SCHIP1: variants seen among roughly 807,000 people sequenced by gnomAD.
SCHIP1 encodes the protein schwannomin-interacting protein 1.
Under a neutral mutation model 29.7 loss-of-function variants are expected in SCHIP1, and 8 were observed. The ratio of observed to expected loss-of-function variants is 0.27; its 90% confidence interval spans 0.16 to 0.49. The LOEUF (loss-of-function observed/expected upper bound fraction) is 0.49, where lower values mean the gene tolerates loss of function less well. Ranked by LOEUF, SCHIP1 falls within the 20% of genes least tolerant of loss-of-function variation. The pLI is 0.99. For missense variants in SCHIP1, 193 were observed against 294.6 expected (o/e 0.66, Z 2.52); for synonymous variants, 76 against 94.9 (o/e 0.80, Z 1.16).
chr3:159,305,884 G>A, the SCHIP1 span, among the ~76,000 whole-genome samples: 1 of 151,960 alleles, frequency 6.6e-6, no homozygotes, highest in African/African-American at 2.4e-5. Flanking sequence ...TGCCCTATTA[G>A]CCCACTCCAA....
chr3:159,777,127 C>T, the SCHIP1 span, among the ~76,000 whole-genome samples: 5 of 152,226 alleles, frequency 3.3e-5, no homozygotes, highest in Non-Finnish European at 7.3e-5. Flanking sequence ...CAACTTTAAA[C>T]ATACATATAC....
chr3:159,492,939 C>A, the SCHIP1 span, among the ~76,000 whole-genome samples: 7 of 152,102 alleles, frequency 4.6e-5, no homozygotes, highest in African/African-American at 1.4e-4. Context: ...AGATGGGGGA[C>A]CAATAGTCAA....
the SCHIP1 span, among the ~76,000 whole-genome samples, chr3:159,732,896 G>A: frequency 1.3e-5 from 2 of 152,210 alleles, no homozygotes; most frequent in Admixed American, 6.5e-5. Flanking sequence ...AATGTCTATA[G>A]GCCTGGAAGG....
chr3:159,813,698 G>A, the SCHIP1 span, among the ~76,000 whole-genome samples: 1 of 147,494 alleles, frequency 6.8e-6, no homozygotes, highest in Non-Finnish European at 1.5e-5. Flanking sequence ...AAAAAAAAAA[G>A]AAGAAGAAGA....
At chr3:159,874,392 A>G (rs913049934) in intron 2 of SCHIP1, among the ~76,000 whole-genome samples, 8 of 152,216 alleles carry the variant, frequency 5.3e-5, no homozygotes, top group African/African-American at 1.9e-4. Flanking sequence ...ACATCACCCA[A>G]TCAAAACTCA....
the SCHIP1 span, chr3:159,273,672 C>A: frequency 7.2e-7 from 1 of 1,381,880 alleles, no homozygotes; most frequent in Non-Finnish European, 9.4e-7. Context: ...AACCGAAGGG[C>A]AAAAGCATCA....
the SCHIP1 span, among the ~76,000 whole-genome samples, chr3:159,718,450 T>C: frequency 6.6e-6 from 1 of 152,226 alleles, no homozygotes; most frequent in African/African-American, 2.4e-5. Context: ...TTGTCCCTGT[T>C]TGCAGATGAC....
At chr3:159,292,065 T>G in the SCHIP1 span, among the ~76,000 whole-genome samples, 2 of 152,132 alleles carry the variant, frequency 1.3e-5, no homozygotes, top group African/African-American at 4.8e-5. Flanking sequence ...TTAGTTGTAT[T>G]GATGACAACA....
chr3:159,293,594 C>T, the SCHIP1 span, among the ~76,000 whole-genome samples: 1 of 152,212 alleles, frequency 6.6e-6, no homozygotes, highest in Non-Finnish European at 1.5e-5. Flanking sequence ...AAGTAGCAAT[C>T]TGTCAGGAAG....
the SCHIP1 span, among the ~76,000 whole-genome samples, chr3:159,714,136 C>CT: frequency 6.6e-6 from 1 of 152,084 alleles, no homozygotes; most frequent in African/African-American, 2.4e-5. Flanking sequence ...ACTTGGGAGG[C>CT]TGAGGGGGAA....
chr3:159,385,575 CAAAAAAAAAAAAACCA>C, the SCHIP1 span, among the ~76,000 whole-genome samples: 1,244 of 133,142 alleles, frequency 9.3e-3, 18 homozygotes, highest in Non-Finnish European at 0.014. Context: ...AACAAACAAA[CAAAAAAAAAAAAACCA>C]AAAAAAAAAA....
At chr3:159,761,247 C>T in the SCHIP1 span, among the ~76,000 whole-genome samples, 1 of 152,180 alleles carries the variant, frequency 6.6e-6, no homozygotes, top group Admixed American at 6.5e-5. Context: ...TTAGTAATTT[C>T]AGGACACAGC....
the SCHIP1 span, among the ~76,000 whole-genome samples, chr3:159,518,139 G>T: frequency 3.9e-5 from 6 of 151,920 alleles, no homozygotes; most frequent in Non-Finnish European, 8.8e-5. Context: ...AGTTGCAGAC[G>T]GATATATAAA....
the SCHIP1 span, among the ~76,000 whole-genome samples, chr3:159,527,503 G>T: frequency 2.0e-5 from 3 of 152,194 alleles, no homozygotes; most frequent in African/African-American, 7.2e-5. Context: ...TTAGTTGTAA[G>T]CATTGATGGA....
At chr3:159,287,933 T>A in the SCHIP1 span, among the ~76,000 whole-genome samples, 1 of 152,248 alleles carries the variant, frequency 6.6e-6, no homozygotes, top group Non-Finnish European at 1.5e-5. Flanking sequence ...CAGCTTCATG[T>A]ATGATATCAA....
chr3:159,554,028 G>A, the SCHIP1 span, among the ~76,000 whole-genome samples: 123 of 73,432 alleles, frequency 1.7e-3, 1 homozygote, highest in African/African-American at 0.013. Flanking sequence ...GTTTGTGTAT[G>A]TGTGTGTGTG....
the SCHIP1 span, among the ~76,000 whole-genome samples, chr3:159,644,294 T>C: frequency 6.6e-6 from 1 of 152,184 alleles, no homozygotes; most frequent in South Asian, 2.1e-4. Flanking sequence ...TATTTACTTC[T>C]ATTAAATTTC....
chr3:159,857,574 C>G (rs1330078195), intron 1 of SCHIP1, among the ~76,000 whole-genome samples: 3 of 152,114 alleles, frequency 2.0e-5, no homozygotes, highest in African/African-American at 7.2e-5. Context: ...ACCCCGTACC[C>G]ATCAGGAGTC....
the SCHIP1 span, among the ~76,000 whole-genome samples, chr3:159,514,788 C>T: frequency 3.3e-5 from 5 of 152,154 alleles, no homozygotes; most frequent in African/African-American, 9.7e-5. Context: ...ACTTGGTATC[C>T]AGCTGCTTCC....
Sources: allele counts gnomAD v4.1 joint callset (sites outside exome capture counted in the v4.1 genomes callset), GRCh38; gene constraint gnomAD v4.1.1; transcripts MANE v1.5; gene names NCBI Gene and HGNC (gene_info 2026-07-23, HGNC 2026-07-21).